Variants in ODF2L observed in about 807,000 individuals in gnomAD.
ODF2L encodes protein BCAP.
A neutral mutation model predicts 86.3 loss-of-function variants in ODF2L; 76 were observed. The ratio of observed to expected loss-of-function variants is 0.88; its 90% CI spans 0.73 to 1.07. The LOEUF is 1.07. Ranked by LOEUF, ODF2L falls within the 50% of genes least tolerant of loss-of-function variation. ODF2L has a pLI of 0.00. For synonymous variants in ODF2L, 241 were observed against 231.3 expected, an observed-to-expected ratio of 1.04 and a Z score of -0.38; for missense variants, 748 against 717.4, an observed-to-expected ratio of 1.04 and a Z score of -0.49.
chr1:86,352,924 C>G, exon 17 of ODF2L: 11 of 1,545,464 alleles, frequency 7.1e-6, no homozygotes, highest in Non-Finnish European at 9.8e-6. Flanking sequence ...GTTTCCAGAT[C>G]TAATATTTTA....
intron 7 of ODF2L, among the ~76,000 whole-genome samples, chr1:86,381,313 CAT>C (rs201697681): frequency 0.012 from 1,845 of 152,240 alleles, 27 homozygotes; most frequent in Non-Finnish European, 0.021. Context: ...TATTCAATCA[CAT>C]GTGTTCTCCT....
intron 7 of ODF2L, among the ~76,000 whole-genome samples, chr1:86,380,281 G>T (rs1166781980): frequency 1.3e-5 from 2 of 152,058 alleles, no homozygotes; most frequent in African/African-American, 4.8e-5. Context: ...ATTTAGATTT[G>T]ATTTTTTTGA....
intron 14 of ODF2L, 92 bp downstream of exon 13, chr1:86,356,352 T>A: frequency 1.0e-6 from 1 of 984,014 alleles, no homozygotes; most frequent in Non-Finnish European, 1.5e-6. Flanking sequence ...AATTTAAAAA[T>A]CAAGCCCTGA....
At chr1:86,373,484 T>C (rs1659952776) in intron 8 of ODF2L, among the ~76,000 whole-genome samples, 1 of 149,042 alleles carries the variant, frequency 6.7e-6, no homozygotes, top group South Asian at 2.1e-4. Context: ...TAGATACATA[T>C]GTATATACTA....
At chr1:86,354,404 A>C in intron 16 of ODF2L, 126 bp downstream of exon 15, 1 of 612,784 alleles carries the variant, frequency 1.6e-6, no homozygotes, top group Non-Finnish European at 2.9e-6. Context: ...GTTAAAGAAG[A>C]AAAATGTAAT....
chr1:86,350,707 C>T (rs1658070650), exon 18 of ODF2L: 1 of 152,086 alleles, frequency 6.6e-6, no homozygotes, highest in South Asian at 2.1e-4. Flanking sequence ...AACTAATTTA[C>T]ACTCCCACCA....
Position 86,352,057 on chromosome 1 carries a change from C to T in ODF2L, c.*134G>A, listed in dbSNP as rs375047067. 26 of 1,323,308 alleles carry T rather than the reference C, an allele frequency of 2.0e-5. No homozygotes were observed. In the South Asian group the frequency reaches 4.4e-4, roughly 22 times the overall value. 82.0% of individuals were successfully genotyped at this position (1,323,308 alleles called of 1,614,324 possible). ...CCTGTGCTAAATTAAAGGTGATCGA[C>T]GTTTTGTTCTGACTAAGTTGTCATG... On this transcript the variant is annotated 3_prime_UTR_variant, in exon 18 of 18. Coordinates refer to ENST00000317336, the Ensembl canonical transcript of ODF2L.
intron 13 of ODF2L, among the ~76,000 whole-genome samples, chr1:86,357,276 C>A (rs1460587829): frequency 6.6e-6 from 1 of 152,018 alleles, no homozygotes; most frequent in Non-Finnish European, 1.5e-5. Context: ...TAGCCAGACT[C>A]TTTCCCTGAG....
chr1:86,388,162 T>C (rs991865046), intron 1 of ODF2L, among the ~76,000 whole-genome samples: 2 of 152,110 alleles, frequency 1.3e-5, no homozygotes, highest in African/African-American at 4.8e-5. Flanking sequence ...ACAGATAGTC[T>C]AGGATGATTC....
chr1:86,354,123 G>A (rs1280907130), intron 16 of ODF2L, among the ~76,000 whole-genome samples: 1 of 152,182 alleles, frequency 6.6e-6, no homozygotes, highest in Non-Finnish European at 1.5e-5. Flanking sequence ...CTAACCTAAT[G>A]GATGTAACTG....
At chr1:86,367,260 A>AAGGCAT (rs1659504708) in intron 11 of ODF2L, among the ~76,000 whole-genome samples, 1 of 152,204 alleles carries the variant, frequency 6.6e-6, no homozygotes, top group Non-Finnish European at 1.5e-5. Context: ...GGACAGAATA[A>AAGGCAT]AGGCATTTTT....
At chr1:86,348,690 C>A, downstream of ODF2L, 1 of 1,265,910 alleles carries the variant, frequency 7.9e-7, no homozygotes, top group Non-Finnish European at 1.0e-6. Flanking sequence ...ATTTTTTTAC[C>A]CAATCACATT....
At chr1:86,373,298 CTTT>C (rs568005356) in intron 8 of ODF2L, among the ~76,000 whole-genome samples, 3 of 140,190 alleles carry the variant, frequency 2.1e-5, no homozygotes, top group Non-Finnish European at 4.7e-5. Flanking sequence ...TTCCATTTTA[CTTT>C]TTTTTTTTTT....
intron 11 of ODF2L, among the ~76,000 whole-genome samples, chr1:86,367,006 G>T (rs1659487954): frequency 6.6e-6 from 1 of 152,054 alleles, no homozygotes; most frequent in Non-Finnish European, 1.5e-5. Flanking sequence ...TAGCACAAAG[G>T]ACTGGAAGAC....
chr1:86,354,822 A>G, exon 15 of ODF2L: 8 of 1,607,644 alleles, frequency 5.0e-6, no homozygotes, highest in Non-Finnish European at 6.8e-6. Flanking sequence ...TTCCTCTTCC[A>G]GAGAAAGCTT....
chr1:86,364,325 G>A (rs944391922), intron 11 of ODF2L, among the ~76,000 whole-genome samples: 1 of 152,146 alleles, frequency 6.6e-6, no homozygotes, highest in Non-Finnish European at 1.5e-5. Flanking sequence ...CAACCTGTAT[G>A]TACACAAAGA....
chr1:86,363,054 C>T (rs1454471666), intron 11 of ODF2L, among the ~76,000 whole-genome samples: 1 of 152,130 alleles, frequency 6.6e-6, no homozygotes, highest in African/African-American at 2.4e-5. Context: ...GTCACAGTAA[C>T]GATGAGAGAT....
chr1:86,392,440 C>CAT lies in ODF2L; in HGVS notation c.-60+3591_-60+3592dup, dbSNP rs199793718. ...CAATGAGTAAAAAAACTGTGATATACATATATATATAATATATACATGATA... is the reference window on the plus strand; with the variant it reads ...CAATGAGTAAAAAAACTGTGATATACATATATATATATAATATATACATGATA... On this transcript the variant is annotated intron_variant, in intron 1 of 17. Transcript: ENST00000317336. 0.011 allele frequency among the ~76,000 whole-genome samples: 1,716 copies of CAT among 151,886 alleles called. 67 individuals are homozygous for CAT. In the East Asian group the frequency reaches 0.12, roughly 10 times the overall value.
intron 11 of ODF2L, among the ~76,000 whole-genome samples, chr1:86,366,694 T>C (rs1659469063): frequency 6.6e-6 from 1 of 151,854 alleles, no homozygotes; most frequent in Non-Finnish European, 1.5e-5. Context: ...AGATATTTGA[T>C]GAAATGAACA....
Sources: gnomAD v4.1 joint callset for allele counts (sites outside exome capture counted in the v4.1 genomes callset) on GRCh38, gnomAD v4.1.1 for gene constraint, MANE v1.5 for transcripts, NCBI Gene and HGNC (gene_info 2026-07-23, HGNC 2026-07-21) for gene names.